The following PTPRM variants were observed in gnomAD, a reference collection of about 807,000 sequenced individuals.
The protein encoded by PTPRM is protein tyrosine phosphatase receptor type M.
PTPRM carries 47 observed loss-of-function variants against 186.7 expected under a neutral mutation model. The ratio of observed to expected loss-of-function variants is 0.25; its 90% CI spans 0.20 to 0.32. The LOEUF is 0.32. PTPRM is among the 10% of genes least tolerant of loss of function. PTPRM has a pLI of 1.00. For missense variants in PTPRM, 1,494 were observed against 1,865.0 expected (o/e 0.80, Z 3.66); for synonymous variants, 668 against 674.9 (o/e 0.99, Z 0.16).
At chr18:8,286,047 G>A (rs1261209317) in intron 19 of PTPRM, among the ~76,000 whole-genome samples, 3 of 152,168 alleles carry the variant, frequency 2.0e-5, no homozygotes. Flanking sequence ...ATATACACGA[G>A]TTAAATTTAC....
At chr18:7,890,311 G>A (rs1289206637) in intron 3 of PTPRM, among the ~76,000 whole-genome samples, 1 of 152,158 alleles carries the variant, frequency 6.6e-6, no homozygotes, top group Non-Finnish European at 1.5e-5. Context: ...GGGCTTTCCA[G>A]GGCTGCTTGT....
intron 1 of PTPRM, among the ~76,000 whole-genome samples, chr18:7,742,394 A>G (rs2040900806): frequency 6.6e-6 from 1 of 152,110 alleles, no homozygotes; most frequent in Non-Finnish European, 1.5e-5. Flanking sequence ...AAAATAGTTG[A>G]TGCACTGGAT....
Position 8,384,379 on chromosome 18 carries a change from G to A in PTPRM, c.3919-182G>A, listed in dbSNP as rs1366799795. ...AGGTTTAGGTGCAAGGGTTGCTTGA[G>A]CCCAGGAGCTCAAGGCTGCAGTGAG... is the stretch of plus-strand genomic sequence containing the variant. On this transcript the variant is annotated intron_variant, in intron 29 of 32. Coordinates refer to ENST00000580170, the MANE Select transcript of PTPRM (RefSeq NM_001105244.2). 2.0e-5 allele frequency among the ~76,000 whole-genome samples: 3 copies of A among 152,190 alleles called. No individual in the cohort carries two copies. The South Asian group carries it at 6.2e-4, about 32-fold the overall frequency.
At chr18:8,210,705 G>A (rs932038894) in intron 14 of PTPRM, among the ~76,000 whole-genome samples, 1 of 152,130 alleles carries the variant, frequency 6.6e-6, no homozygotes, top group African/African-American at 2.4e-5. Context: ...ATAAAATTTG[G>A]AGTTTTCACC....
intron 1 of PTPRM, among the ~76,000 whole-genome samples, chr18:7,607,997 C>T (rs2143819566): frequency 6.6e-6 from 1 of 152,330 alleles, no homozygotes; most frequent in Middle Eastern, 3.4e-3. Flanking sequence ...CCCTCCTGCT[C>T]TACAGGATCT....
intron 7 of PTPRM, among the ~76,000 whole-genome samples, chr18:7,993,600 C>G (rs1249128303): frequency 1.3e-5 from 2 of 152,026 alleles, no homozygotes; most frequent in Middle Eastern, 3.2e-3. Flanking sequence ...GAAAAAGACT[C>G]CTGGTGAAGA....
At chr18:7,952,938 G>A (rs1474053907) in intron 6 of PTPRM, among the ~76,000 whole-genome samples, 8 of 152,084 alleles carry the variant, frequency 5.3e-5, no homozygotes, top group Admixed American at 4.6e-4. Flanking sequence ...CCTGGGAGGC[G>A]GAGGCTGCAG....
chr18:7,659,814 GC>G (rs773724680), intron 1 of PTPRM, among the ~76,000 whole-genome samples: 3 of 152,172 alleles, frequency 2.0e-5, no homozygotes, highest in East Asian at 1.9e-4. Flanking sequence ...AAAAGAAATG[GC>G]CCGGTCTGTA....
intron 7 of PTPRM, among the ~76,000 whole-genome samples, chr18:7,966,222 A>T (rs1342365447): frequency 6.6e-6 from 1 of 152,224 alleles, no homozygotes; most frequent in African/African-American, 2.4e-5. Context: ...ATTAGGAAGT[A>T]TAGTTATACC....
At chr18:7,572,327 TTA>T (rs1322728216) in intron 1 of PTPRM, among the ~76,000 whole-genome samples, 1 of 152,206 alleles carries the variant, frequency 6.6e-6, no homozygotes, top group Non-Finnish European at 1.5e-5. Flanking sequence ...TGTCTTCAGA[TTA>T]TATAAATTCT....
At chr18:8,127,532 G>C (rs2092401973) in intron 13 of PTPRM, among the ~76,000 whole-genome samples, 1 of 151,752 alleles carries the variant, frequency 6.6e-6, no homozygotes, top group South Asian at 2.1e-4. Flanking sequence ...TGCCACAGTG[G>C]CACTTCCACC....
At chr18:7,954,609 T>G (rs919447275) in intron 6 of PTPRM, among the ~76,000 whole-genome samples, 2 of 152,160 alleles carry the variant, frequency 1.3e-5, no homozygotes, top group African/African-American at 4.8e-5. Flanking sequence ...ATAAGGAGAT[T>G]AACAATGAAT....
At chr18:8,033,705 T>A (rs1365627056) in intron 7 of PTPRM, among the ~76,000 whole-genome samples, 2 of 152,260 alleles carry the variant, frequency 1.3e-5, no homozygotes, top group East Asian at 3.8e-4. Context: ...TGTATAGATT[T>A]GTTAACGTCT....
intron 14 of PTPRM, among the ~76,000 whole-genome samples, chr18:8,242,544 G>A (rs1297710064): frequency 6.6e-6 from 1 of 152,154 alleles, no homozygotes; most frequent in African/African-American, 2.4e-5. Context: ...AGTGCCCAGA[G>A]GAGTCATGCT....
chr18:7,906,530 G>A lies in PTPRM; in HGVS notation c.494G>A (p.Gly165Glu), dbSNP rs2049993277. The A allele has an allele frequency of 6.2e-7, 1 of 1,613,240 alleles. No homozygotes were observed. Among genetic ancestry groups the A allele is most frequent in the African/African-American group, 1.3e-5 (1 of 74,882 alleles). ...YQVIFEVITS[G>E]HQGYLAIDEV... ...GTGATTTTTGAAGTGATAACTTCTG[G>A]ACATCAAGGCTATCTCGCTATCGAT... Residue 165 changes from glycine to glutamate, a missense_variant, in exon 4 of 33, where the codon GGA becomes GAA. Coordinates refer to ENST00000580170, the MANE Select transcript of PTPRM (RefSeq NM_001105244.2).
At chr18:8,294,232 A>C (rs765187639) in intron 19 of PTPRM, among the ~76,000 whole-genome samples, 7 of 152,306 alleles carry the variant, frequency 4.6e-5, no homozygotes, top group Middle Eastern at 6.8e-3. Flanking sequence ...AGCCTGGGTC[A>C]CAGGGTGAGA....
At chr18:7,706,539 C>T (rs559802507) in intron 1 of PTPRM, among the ~76,000 whole-genome samples, 1 of 128,984 alleles carries the variant, frequency 7.8e-6, no homozygotes, top group Admixed American at 9.3e-5. Flanking sequence ...GAGGTCAAAG[C>T]TTCAGTGAGC....
Position 8,113,610 on chromosome 18 carries a change from T to C in PTPRM, c.1981T>C (p.Phe661Leu). 1 of 1,614,162 alleles carries C rather than the reference T, an allele frequency of 6.2e-7. No individual in the cohort carries two copies. The highest frequency in any genetic ancestry group is 8.5e-7 in the Non-Finnish European group (1 of 1,180,012). Residue 661 changes from phenylalanine to leucine, a missense_variant, in exon 12 of 33, where the codon TTT becomes CTT. This residue lies in a region of PTPRM where 1,107 missense variants were observed against 1,350.2 expected (regional missense o/e 0.82). Transcript: ENST00000580170. ...NASLLNSQYYFAAEFPADSLQ... is the reference protein window; with the variant it reads ...NASLLNSQYYLAAEFPADSLQ... ...TTCTCTGCTGAACTCACAGTACTAC[T>C]TTGCTGCAGAATTTCCTGCAGACAG...
At chr18:8,045,423 A>G (rs1484570857) in intron 7 of PTPRM, among the ~76,000 whole-genome samples, 1 of 152,230 alleles carries the variant, frequency 6.6e-6, no homozygotes, top group African/African-American at 2.4e-5. Flanking sequence ...TATAGTTCTC[A>G]TCAACTGATG....
Sources: gnomAD v4.1 joint callset for allele counts (sites outside exome capture counted in the v4.1 genomes callset) on GRCh38, gnomAD v4.1.1 for gene constraint, gnomAD v4.1.1 regional missense constraint, MANE v1.5 for transcripts, NCBI Gene and HGNC (gene_info 2026-07-23, HGNC 2026-07-21) for gene names.